Variants in SYNGR4 observed in about 807,000 individuals in gnomAD.
SYNGR4 encodes the protein synaptogyrin-4.
A neutral mutation model predicts 15.5 loss-of-function variants in SYNGR4; 15 were observed. That is an observed-to-expected ratio of 0.97 (90% CI 0.65 to 1.49). The LOEUF is 1.49. SYNGR4 is among the 40% of genes most tolerant of loss of function. The pLI, the probability that SYNGR4 is intolerant of heterozygous loss-of-function variation, is 0.00. For synonymous variants in SYNGR4, 121 were observed against 127.4 expected, an observed-to-expected ratio of 0.95 and a Z score of 0.34; for missense variants, 292 against 299.3, an observed-to-expected ratio of 0.98 and a Z score of 0.18.
Position 48,375,640 on chromosome 19 carries a change from G to A in SYNGR4, c.359G>A (p.Gly120Asp), listed in dbSNP as rs754808594. The A allele has an allele frequency of 7.4e-6, 12 of 1,614,020 alleles. No individual in the cohort carries two copies. The highest frequency in any genetic ancestry group is 1.1e-5 in the South Asian group (1 of 91,068). ...AVLWAVVWFM[G>D]FCFLANQWQH... ...CTCTGGGCAGTTGTCTGGTTCATGG[G>A]TTTCTGCTTCCTGGCCAACCAATGG... The change falls in exon 4 of 5, where the codon GGT becomes GAT. Residue 120 changes from glycine (G) to aspartate (D), a missense_variant. Gly to Asp is a moderately conservative substitution (Grantham distance 94, BLOSUM62 -1). Transcript: ENST00000344846.
At position 48,373,501 on chromosome 19, in the gene SYNGR4, C is replaced by G; in HGVS notation, c.94-16C>G. On this transcript the variant is annotated splice_polypyrimidine_tract_variant and intron_variant, in intron 2 of 4. Transcript: ENST00000344846. ...GGGAGAGACTGAGCTCTTCTCTGGC[C>G]CCTGGAAATCCACAGGTCTTCTCCC... 1 of 1,608,172 alleles carries G rather than the reference C, an allele frequency of 6.2e-7. No homozygotes were observed. The highest frequency in any genetic ancestry group is 8.5e-7 in the Non-Finnish European group (1 of 1,175,786).
At chr19:48,374,341 A>T (rs974815621) in intron 3 of SYNGR4, among the ~76,000 whole-genome samples, 2 of 152,026 alleles carry the variant, frequency 1.3e-5, no homozygotes, top group Non-Finnish European at 2.9e-5. Flanking sequence ...TGCCTCCCAA[A>T]GTGCTGGGAT....
chr19:48,373,299 G>A (rs1293462144), intron 2 of SYNGR4: 8 of 570,166 alleles, frequency 1.4e-5, no homozygotes, highest in Non-Finnish European at 2.5e-5. Context: ...AGGAGGCTGG[G>A]GCAAGGGCCA....
At chr19:48,373,822 G>C (rs917906298) in intron 3 of SYNGR4, 68 bp downstream of exon 3, 109 of 1,514,650 alleles carry the variant, frequency 7.2e-5, no homozygotes, top group Non-Finnish European at 8.9e-5. Flanking sequence ...GGCTCCCCAG[G>C]GCCTCCCGGG....
chr19:48,367,140 A>G (rs1036912655), intron 2 of SYNGR4, among the ~76,000 whole-genome samples: 1 of 151,714 alleles, frequency 6.6e-6, no homozygotes, highest in Non-Finnish European at 1.5e-5. Flanking sequence ...AAAAAAAAAA[A>G]AAAAAATTGT....
chr19:48,367,062 A>G (rs28401358), intron 2 of SYNGR4, among the ~76,000 whole-genome samples: 14,313 of 151,676 alleles, frequency 0.094, 2,268 homozygotes, highest in African/African-American at 0.33. Flanking sequence ...GCTGAGGCTC[A>G]AGGATGGCTT....
In SYNGR4 at chr19:48,373,657, C is replaced by T. The variant is rs768913626; in HGVS notation, c.234C>T (p.Leu78=). 42 of 1,613,716 alleles carry T rather than the reference C, an allele frequency of 2.6e-5. No homozygotes were observed. The highest frequency in any genetic ancestry group is 3.3e-5 in the Admixed American group (2 of 59,996). The stretch of plus-strand genomic sequence containing the variant: ...TGGGAGCCGGCTTCCTGGCCTTCCT[C>T]AGCTGCCTGGCCTTCCTCGTCCTGG... The part of the protein sequence containing the change: ...FAVGAGFLAF[L]SCLAFLVLDT... The change falls in exon 3 of 5, where the codon CTC becomes CTT. Residue 78 remains leucine, a synonymous_variant. Transcript: ENST00000344846.
At chr19:48,374,164 G>T (rs1051006338) in intron 3 of SYNGR4, among the ~76,000 whole-genome samples, 2 of 141,742 alleles carry the variant, frequency 1.4e-5, no homozygotes, top group Non-Finnish European at 3.0e-5. Context: ...TGCAACCTCC[G>T]CCTCCCGGGT....
Position 48,373,739 on chromosome 19 carries a change from GA to G in SYNGR4, c.317del (p.Asp106AlafsTer82). 3 of 1,613,866 alleles carry G rather than the reference GA, an allele frequency of 1.9e-6. No individual in the cohort carries two copies. Among genetic ancestry groups the G allele is most frequent in the Non-Finnish European group, 2.5e-6 (3 of 1,179,984 alleles). On this transcript the variant is annotated frameshift_variant, in exon 3 of 5. Transcript: ENST00000344846. LOFTEE classifies it high-confidence loss of function. Reference sequence around the variant, plus strand: ...CTTCAAGACAGCCTTCCAGCTCCTGGACTTCATCCTGGCTGGTGAGCCCCCA... The same window carrying G: ...CTTCAAGACAGCCTTCCAGCTCCTGGCTTCATCCTGGCTGGTGAGCCCCCA... ...TRFKTAFQLLDFILAVLWAVV... is the reference protein window; with the variant it reads ...TRFKTAFQLLXFILAVLWAVV...
Position 48,373,552 on chromosome 19 carries a change from C to A in SYNGR4, c.129C>A (p.Thr43=), listed in dbSNP as rs201049628. The part of the protein sequence containing the change: ...FSLIVFSSLL[T]DGYQNKMESP... The stretch of plus-strand genomic sequence containing the variant: ...TGATCGTCTTCTCCTCCCTGCTGAC[C>A]GACGGCTACCAGAACAAGATGGAGT... Residue 43 remains threonine, a synonymous_variant, in exon 3 of 5, where the codon ACC becomes ACA. Coordinates refer to ENST00000344846, the MANE Select transcript of SYNGR4 (RefSeq NM_012451.4). The A allele has an allele frequency of 1.2e-6, 2 of 1,613,778 alleles. No individual in the cohort carries two copies. Among genetic ancestry groups the A allele is most frequent in the Non-Finnish European group, 1.7e-6 (2 of 1,180,006 alleles).
chr19:48,370,891 C>T (rs771099872), intron 2 of SYNGR4, among the ~76,000 whole-genome samples: 4 of 152,226 alleles, frequency 2.6e-5, no homozygotes, highest in Non-Finnish European at 4.4e-5. Flanking sequence ...TGGGCCTCCC[C>T]GCCTCCTCTC....
At chr19:48,372,205 C>T (rs1241735664) in intron 2 of SYNGR4, among the ~76,000 whole-genome samples, 3 of 152,024 alleles carry the variant, frequency 2.0e-5, no homozygotes, top group Admixed American at 2.0e-4. Flanking sequence ...TAATTGGATT[C>T]GGCCAACTCC....
In SYNGR4 at chr19:48,365,789, G is replaced by A. The variant is rs1970206501; in HGVS notation, c.-54G>A. 5.0e-6 allele frequency: 8 copies of A among 1,593,696 alleles called. No individual in the cohort carries two copies. The highest frequency in any genetic ancestry group is 2.2e-5 in the South Asian group (2 of 90,600). On this transcript the variant is annotated 5_prime_UTR_variant, in exon 2 of 5. Coordinates refer to ENST00000344846, the MANE Select transcript of SYNGR4 (RefSeq NM_012451.4). ...CCCGGACGGCAGTGCCCAGCAGGCA[G>A]CGCCCAGCACCCTGGCTCCCACCTC...
At chr19:48,366,380 A>T (rs1970221470) in intron 2 of SYNGR4, among the ~76,000 whole-genome samples, 2 of 147,134 alleles carry the variant, frequency 1.4e-5, no homozygotes, top group Admixed American at 6.8e-5. Flanking sequence ...ACAGAGCCAG[A>T]CTCCATCTCA....
Position 48,373,500 on chromosome 19 carries a change from C to T in SYNGR4, c.94-17C>T, listed in dbSNP as rs746670070. 1.9e-6 allele frequency: 3 copies of T among 1,606,856 alleles called. No individual in the cohort carries two copies. Among genetic ancestry groups the T allele is most frequent in the Admixed American group, 1.7e-5 (1 of 59,986 alleles). On this transcript the variant is annotated splice_polypyrimidine_tract_variant and intron_variant, in intron 2 of 4. Transcript: ENST00000344846. ...AGGGAGAGACTGAGCTCTTCTCTGGCCCCTGGAAATCCACAGGTCTTCTCC... is the reference window on the plus strand; with the variant it reads ...AGGGAGAGACTGAGCTCTTCTCTGGTCCCTGGAAATCCACAGGTCTTCTCC...
At chr19:48,372,542 C>T (rs1451584841) in intron 2 of SYNGR4, among the ~76,000 whole-genome samples, 1 of 151,180 alleles carries the variant, frequency 6.6e-6, no homozygotes, top group East Asian at 1.9e-4. Flanking sequence ...CCCAGCTACT[C>T]GGGAGGCTGA....
Position 48,376,276 on chromosome 19 carries a change from C to G in SYNGR4, c.663C>G (p.Thr221=), listed in dbSNP as rs149839356. ...YASSALSPCL[T]APKSPRLAMM... ...GCTCTGCCCTGTCCCCCTGTCTGAC[C>G]GCTCCAAAGTCCCCCCGGCTTGCTA... The change falls in exon 5 of 5, where the codon ACC becomes ACG. Residue 221 remains threonine (T), a synonymous_variant. Coordinates refer to ENST00000344846, the MANE Select transcript of SYNGR4 (RefSeq NM_012451.4). The G allele has an allele frequency of 9.9e-6, 16 of 1,613,140 alleles. No individual in the cohort carries two copies. The Admixed American group carries it at 2.3e-4, about 24-fold the overall frequency.
At chr19:48,373,324 G>A (rs1283202373) in intron 2 of SYNGR4, 193 bp from the exon 3 acceptor site, 2 of 606,288 alleles carry the variant, frequency 3.3e-6, no homozygotes, top group Admixed American at 2.9e-5. Flanking sequence ...GAGCAGACGA[G>A]GCCTGAGCCA....
At chr19:48,369,355 C>T (rs1486117075) in intron 2 of SYNGR4, among the ~76,000 whole-genome samples, 1 of 152,190 alleles carries the variant, frequency 6.6e-6, no homozygotes, top group Non-Finnish European at 1.5e-5. Context: ...TCTCCAGTGT[C>T]CCGGGCTCAT....
Sources: gnomAD v4.1 joint callset for allele counts (sites outside exome capture counted in the v4.1 genomes callset) on GRCh38, gnomAD v4.1.1 for gene constraint, MANE v1.5 for transcripts, NCBI Gene and HGNC (gene_info 2026-07-23, HGNC 2026-07-21) for gene names.